PLEKHG1: variants seen among roughly 807,000 people sequenced by gnomAD.
PLEKHG1 encodes pleckstrin homology domain-containing family G member 1.
PLEKHG1 carries 44 observed loss-of-function variants against 100.8 expected under a neutral mutation model. The observed-to-expected ratio is 0.44, with a 90% CI of 0.34 to 0.56. PLEKHG1 has a LOEUF of 0.56. Ranked by LOEUF, PLEKHG1 falls within the 20% of genes least tolerant of loss-of-function variation. The pLI is 0.01. For missense variants in PLEKHG1, 1,545 were observed against 1,720.9 expected (o/e 0.90, Z 1.81); for synonymous variants, 640 against 662.5 (o/e 0.97, Z 0.52).
At chr6:150,607,774 C>T (rs1295337669) in intron 1 of PLEKHG1, among the ~76,000 whole-genome samples, 2 of 151,968 alleles carry the variant, frequency 1.3e-5, no homozygotes, top group Admixed American at 6.6e-5. Context: ...TGAGGAATAG[C>T]GAGGGTGGGG....
At chr6:150,779,689 G>A (rs965861038) in intron 3 of PLEKHG1, among the ~76,000 whole-genome samples, 9 of 151,730 alleles carry the variant, frequency 5.9e-5, no homozygotes, top group Admixed American at 2.0e-4. Context: ...TAACAAGGCC[G>A]GGCGTGGTGG....
At chr6:150,814,648 C>G (rs1026564472) in intron 10 of PLEKHG1, among the ~76,000 whole-genome samples, 1 of 147,342 alleles carries the variant, frequency 6.8e-6, no homozygotes, top group Non-Finnish European at 1.5e-5. Context: ...CTGGATTGGT[C>G]TATCTGGCTC....
At chr6:150,838,682 T>C (rs1777358396) in intron 15 of PLEKHG1, among the ~76,000 whole-genome samples, 1 of 152,212 alleles carries the variant, frequency 6.6e-6, no homozygotes, top group Admixed American at 6.5e-5. Context: ...TATTTAGAAA[T>C]ATCTGTACTC....
At chr6:150,825,965 G>A (rs563838672) in intron 14 of PLEKHG1, among the ~76,000 whole-genome samples, 5 of 152,144 alleles carry the variant, frequency 3.3e-5, no homozygotes, top group African/African-American at 1.2e-4. Flanking sequence ...GATCACCTGA[G>A]GTCAGGAGTT....
intron 3 of PLEKHG1, among the ~76,000 whole-genome samples, chr6:150,702,245 G>C (rs1352353778): frequency 6.6e-6 from 1 of 152,198 alleles, no homozygotes; most frequent in African/African-American, 2.4e-5. Flanking sequence ...GCTGAGGCAG[G>C]CGGATCACGA....
At chr6:150,648,731 A>G (rs1778597494) in intron 2 of PLEKHG1, among the ~76,000 whole-genome samples, 1 of 152,080 alleles carries the variant, frequency 6.6e-6, no homozygotes, top group East Asian at 1.9e-4. Flanking sequence ...AGCTTTTCAT[A>G]TAGTTTGGGA....
chr6:150,801,144 G>A (rs1268346506), intron 6 of PLEKHG1, among the ~76,000 whole-genome samples: 1 of 152,224 alleles, frequency 6.6e-6, no homozygotes, highest in Non-Finnish European at 1.5e-5. Flanking sequence ...GTTTCAGGCA[G>A]GGAGCTATCA....
intron 2 of PLEKHG1, among the ~76,000 whole-genome samples, chr6:150,763,746 A>G (rs1377912682): frequency 1.3e-5 from 2 of 152,198 alleles, no homozygotes; most frequent in South Asian, 4.1e-4. Context: ...TCTCCATGCT[A>G]CAGCCAAAAG....
intron 15 of PLEKHG1, among the ~76,000 whole-genome samples, chr6:150,833,951 G>A (rs1246009028): frequency 6.6e-6 from 1 of 152,148 alleles, no homozygotes; most frequent in Non-Finnish European, 1.5e-5. Context: ...TGAAGAATAG[G>A]AAGGGCATAT....
intron 2 of PLEKHG1, among the ~76,000 whole-genome samples, chr6:150,643,758 A>G (rs143508875): frequency 1.3e-5 from 2 of 152,284 alleles, no homozygotes; most frequent in African/African-American, 4.8e-5. Flanking sequence ...CATTCACTAC[A>G]TAATTGAATC....
intron 1 of PLEKHG1, among the ~76,000 whole-genome samples, chr6:150,727,694 T>C (rs530210405): frequency 4.6e-5 from 7 of 152,216 alleles, no homozygotes; most frequent in Non-Finnish European, 1.0e-4. Flanking sequence ...GGTTCCTCTA[T>C]GGATACTTCC....
At chr6:150,794,176 GA>G (rs1786171248) in intron 4 of PLEKHG1, among the ~76,000 whole-genome samples, 1 of 152,114 alleles carries the variant, frequency 6.6e-6, no homozygotes, top group Admixed American at 6.5e-5. Flanking sequence ...CTTGCAAAAG[GA>G]AGAAAAATAG....
At chr6:150,732,591 G>A (rs1363887707) in intron 1 of PLEKHG1, among the ~76,000 whole-genome samples, 1 of 152,228 alleles carries the variant, frequency 6.6e-6, no homozygotes, top group East Asian at 1.9e-4. Flanking sequence ...CGAGATGGCA[G>A]ATTGCTCTGA....
At chr6:150,690,212 T>A (rs1468689181) in intron 3 of PLEKHG1, among the ~76,000 whole-genome samples, 5 of 152,336 alleles carry the variant, frequency 3.3e-5, no homozygotes, top group African/African-American at 7.2e-5. Flanking sequence ...TGGATTTTTT[T>A]AAATTTTATT....
At chr6:150,687,080 A>G (rs559866400) in intron 3 of PLEKHG1, 34 of 152,748 alleles carry the variant, frequency 2.2e-4, no homozygotes, top group Admixed American at 7.2e-4. Flanking sequence ...CCACCTTCAA[A>G]TGGAATTGAC....
chr6:150,744,078 G>T (rs536243750), intron 2 of PLEKHG1, among the ~76,000 whole-genome samples: 5 of 151,942 alleles, frequency 3.3e-5, no homozygotes, highest in East Asian at 3.9e-4. Flanking sequence ...TTTTATTTTT[G>T]TTGTTGTTGT....
intron 5 of PLEKHG1, among the ~76,000 whole-genome samples, chr6:150,796,746 C>G (rs1786356803): frequency 6.6e-6 from 1 of 152,114 alleles, no homozygotes; most frequent in Admixed American, 6.6e-5. Flanking sequence ...CCTGCCCCTT[C>G]CCCATTTCAT....
chr6:150,745,551 C>G (rs990725130), intron 2 of PLEKHG1, among the ~76,000 whole-genome samples: 3 of 151,962 alleles, frequency 2.0e-5, no homozygotes, highest in Non-Finnish European at 4.4e-5. Flanking sequence ...GGTGTGGTGG[C>G]AGGCACCTGT....
At chr6:150,694,947 A>G (rs997389037) in intron 3 of PLEKHG1, among the ~76,000 whole-genome samples, 2 of 152,168 alleles carry the variant, frequency 1.3e-5, no homozygotes, top group Non-Finnish European at 2.9e-5. Context: ...CTCTGCATAA[A>G]CATTCCCCCT....
Sources: allele counts gnomAD v4.1 joint callset (sites outside exome capture counted in the v4.1 genomes callset), GRCh38; gene constraint gnomAD v4.1.1; transcripts MANE v1.5; gene names NCBI Gene and HGNC (gene_info 2026-07-23, HGNC 2026-07-21).